Variants in PPP1R42 observed in about 807,000 individuals in gnomAD.
The protein encoded by PPP1R42 is leucine rich repeat containing 67.
In PPP1R42, 34 loss-of-function variants were observed where a neutral mutation model predicts 31.0. The observed-to-expected ratio is 1.10, with a 90% CI of 0.83 to 1.46. The LOEUF is 1.46. PPP1R42 is among the 40% of genes most tolerant of loss of function. The pLI, the probability that PPP1R42 is intolerant of heterozygous loss-of-function variation, is 0.00. For missense variants in PPP1R42, 268 were observed against 303.0 expected, an observed-to-expected ratio of 0.88 and a Z score of 0.86; for synonymous variants, 103 against 109.8, an observed-to-expected ratio of 0.94 and a Z score of 0.39.
At chr8:66,998,926 G>A (rs552347076) in intron 5 of PPP1R42, among the ~76,000 whole-genome samples, 18 of 151,904 alleles carry the variant, frequency 1.2e-4, no homozygotes, top group Non-Finnish European at 1.5e-4. Flanking sequence ...ATATTTCTGG[G>A]CTTGATTTGC....
chr8:67,024,620 G>A (rs949052762), intron 1 of PPP1R42, among the ~76,000 whole-genome samples: 1 of 151,634 alleles, frequency 6.6e-6, no homozygotes, highest in South Asian at 2.1e-4. Flanking sequence ...GACTACAGGC[G>A]CCTCCCACCA....
intron 7 of PPP1R42, among the ~76,000 whole-genome samples, chr8:66,968,067 T>G (rs1244403611): frequency 9.2e-5 from 14 of 152,208 alleles, no homozygotes; most frequent in Admixed American, 9.2e-4. Flanking sequence ...CTTTTTTGTT[T>G]GTTTAATACC....
intron 5 of PPP1R42, among the ~76,000 whole-genome samples, chr8:66,997,707 A>ATT (rs540831899): frequency 6.7e-6 from 1 of 150,240 alleles, no homozygotes; most frequent in Non-Finnish European, 1.5e-5. Context: ...TTCCCAGCTA[A>ATT]TTTTTTTTAA....
intron 1 of PPP1R42, among the ~76,000 whole-genome samples, chr8:67,020,473 G>A (rs991608774): frequency 1.3e-5 from 2 of 152,158 alleles, no homozygotes; most frequent in African/African-American, 4.8e-5. Context: ...AGTGCCGGGA[G>A]TACAGGCGTG....
intron 5 of PPP1R42, among the ~76,000 whole-genome samples, chr8:67,006,316 C>A (rs928025085): frequency 6.6e-6 from 1 of 152,152 alleles, no homozygotes; most frequent in African/African-American, 2.4e-5. Flanking sequence ...TCCTTCATAG[C>A]ACTTTTCAAA....
Position 67,013,016 on chromosome 8 carries a change from T to C in PPP1R42, c.377A>G (p.Gln126Arg). ...AAGCTTTTCCCCAAGGGGAAGCCTC[T>C]GATTCTCAACATGAAGCTCTCTTAG... ...GELRELHVEN[Q>R]RLPLGEKLLF... Residue 126 changes from glutamine to arginine, a missense_variant, in exon 4 of 8, where the codon CAG becomes CGG. Coordinates refer to ENST00000685739, the MANE Select transcript of PPP1R42 (RefSeq NM_001364910.1). 1 of 1,612,606 alleles carries C rather than the reference T, an allele frequency of 6.2e-7. No individual in the cohort carries two copies. The highest frequency in any genetic ancestry group is 1.1e-5 in the South Asian group (1 of 90,548).
intron 7 of PPP1R42, among the ~76,000 whole-genome samples, chr8:66,975,437 C>T (rs1156926913): frequency 6.6e-6 from 1 of 152,096 alleles, no homozygotes; most frequent in Non-Finnish European, 1.5e-5. Flanking sequence ...CACTTGAGTT[C>T]AGGAGTTCAA....
intron 7 of PPP1R42, among the ~76,000 whole-genome samples, chr8:66,979,094 T>C (rs1019206422): frequency 6.6e-6 from 1 of 152,220 alleles, no homozygotes; most frequent in African/African-American, 2.4e-5. Flanking sequence ...TCTCATTGCC[T>C]GTGCTTTTGA....
intron 5 of PPP1R42, among the ~76,000 whole-genome samples, chr8:66,996,287 A>G (rs1263927321): frequency 6.6e-6 from 1 of 152,172 alleles, no homozygotes; most frequent in African/African-American, 2.4e-5. Context: ...CGTGAGCTCA[A>G]TCAATCCTCC....
At chr8:66,967,095 G>A (rs1814404723) in intron 7 of PPP1R42, among the ~76,000 whole-genome samples, 1 of 152,034 alleles carries the variant, frequency 6.6e-6, no homozygotes, top group African/African-American at 2.4e-5. Context: ...TCTCACCTTA[G>A]CCTCCCGAGT....
intron 1 of PPP1R42, among the ~76,000 whole-genome samples, chr8:67,018,591 C>A (rs890043076): frequency 4.6e-5 from 7 of 151,730 alleles, no homozygotes; most frequent in African/African-American, 1.7e-4. Flanking sequence ...TGGCTGACTG[C>A]AACCTCCGTC....
At chr8:66,979,756 T>C (rs1814775880) in intron 7 of PPP1R42, among the ~76,000 whole-genome samples, 1 of 152,130 alleles carries the variant, frequency 6.6e-6, no homozygotes, top group African/African-American at 2.4e-5. Flanking sequence ...AAAAATGTCA[T>C]TGGTATTTTT....
chr8:67,004,234 G>C (rs369975077), intron 5 of PPP1R42, among the ~76,000 whole-genome samples: 1 of 152,182 alleles, frequency 6.6e-6, no homozygotes, highest in Non-Finnish European at 1.5e-5. Flanking sequence ...TCTGAATGCC[G>C]CAAGGCTCTA....
At chr8:66,976,119 A>G (rs979721474) in intron 7 of PPP1R42, among the ~76,000 whole-genome samples, 14 of 152,088 alleles carry the variant, frequency 9.2e-5, no homozygotes, top group African/African-American at 3.1e-4. Context: ...TTGGATTCTC[A>G]TAGGAACATG....
At chr8:66,969,823 C>T (rs941829053) in intron 7 of PPP1R42, among the ~76,000 whole-genome samples, 1 of 152,128 alleles carries the variant, frequency 6.6e-6, no homozygotes, top group Non-Finnish European at 1.5e-5. Context: ...TATTATTGGC[C>T]TTTAGTATAT....
intron 7 of PPP1R42, among the ~76,000 whole-genome samples, chr8:66,979,655 T>C (rs1281208015): frequency 6.6e-6 from 1 of 152,220 alleles, no homozygotes; most frequent in Non-Finnish European, 1.5e-5. Context: ...AGTCTAGTAG[T>C]GTGGTGGCTC....
chr8:66,986,767 C>G (rs1486609114), intron 6 of PPP1R42, among the ~76,000 whole-genome samples: 1 of 152,246 alleles, frequency 6.6e-6, no homozygotes, highest in Non-Finnish European at 1.5e-5. Flanking sequence ...AGTGAGGCTT[C>G]TGCGTTTGTG....
At chr8:67,026,866 G>A (rs1816417709) in intron 1 of PPP1R42, 1 of 150,156 alleles carries the variant, frequency 6.7e-6, no homozygotes. Flanking sequence ...AAAAGTCAGA[G>A]CAATCGTCTT....
chr8:66,993,182 T>G (rs1258679266), intron 5 of PPP1R42, among the ~76,000 whole-genome samples: 1 of 152,164 alleles, frequency 6.6e-6, no homozygotes, highest in African/African-American at 2.4e-5. Flanking sequence ...TCCACTTTAC[T>G]TCCTAAACAG....
Sources: gnomAD v4.1 joint callset for allele counts (sites outside exome capture counted in the v4.1 genomes callset) on GRCh38, gnomAD v4.1.1 for gene constraint, MANE v1.5 for transcripts, NCBI Gene and HGNC (gene_info 2026-07-23, HGNC 2026-07-21) for gene names.